The following XKR9 variants were observed in gnomAD, a reference collection of about 807,000 sequenced individuals.
XKR9 encodes the protein XK-related protein 9.
A neutral mutation model predicts 32.0 loss-of-function variants in XKR9; 32 were observed. The observed-to-expected ratio is 1.00, with a 90% CI of 0.76 to 1.34. The LOEUF (loss-of-function observed/expected upper bound fraction) is 1.34, where lower values mean the gene tolerates loss of function less well. XKR9 is among the 40% of genes most tolerant of loss of function. The probability of loss-of-function intolerance (pLI) is 0.00; values close to 1 mark genes in which losing one functional copy is unlikely to be tolerated. For synonymous variants in XKR9, 168 were observed against 143.4 expected (o/e 1.17, Z -1.22); for missense variants, 546 against 429.7 (o/e 1.27, Z -2.39).
In XKR9 at chr8:70,785,735, CTCTCTATA is replaced by C. The variant is rs1289939103; in HGVS notation, n.353-3602_353-3595del. Among the ~76,000 whole-genome samples the C allele has an allele frequency of 4.8e-3, 541 of 113,110 alleles. 2 individuals carry two copies. Among genetic ancestry groups the C allele is most frequent in the African/African-American group, 0.014 (498 of 34,440 alleles). 74.2% of individuals were successfully genotyped at this position (113,110 alleles called of 152,430 possible). A position where few individuals can be genotyped will look rare whatever the true frequency, so the allele number is the denominator to read the frequency against. ...TTTTTTTTGCTCTCTCTCTCTCTCT[CTCTCTATA>C]TATATATATATATGTATATATGTGT... On this transcript the variant is annotated intron_variant and non_coding_transcript_variant, in intron 2 of 3. Transcript: ENST00000520273.
At chr8:70,924,346 A>G in the XKR9 span, among the ~76,000 whole-genome samples, 6 of 152,136 alleles carry the variant, frequency 3.9e-5, no homozygotes, top group Non-Finnish European at 7.4e-5. Context: ...TTTCTAAAAT[A>G]CCACAAGATT....
At chr8:70,675,213 G>C (rs915599191) in intron 2 of XKR9, among the ~76,000 whole-genome samples, 10 of 152,254 alleles carry the variant, frequency 6.6e-5, no homozygotes, top group Admixed American at 6.5e-4. Context: ...GGTCACTTGA[G>C]GTCAGGATTC....
intron 2 of XKR9, among the ~76,000 whole-genome samples, chr8:70,680,012 C>A (rs1044399367): frequency 5.9e-5 from 9 of 151,348 alleles, no homozygotes. Context: ...AAAAAAAAAA[C>A]CTCAAAAAAA....
chr8:70,741,812 A>C (rs1448984132), intron 2 of XKR9, among the ~76,000 whole-genome samples: 1 of 152,152 alleles, frequency 6.6e-6, no homozygotes, highest in Non-Finnish European at 1.5e-5. Context: ...TCTGTTTTAA[A>C]TCCTATTCAG....
intron 2 of XKR9, among the ~76,000 whole-genome samples, chr8:70,741,944 C>T (rs1806991891): frequency 6.7e-6 from 1 of 149,046 alleles, no homozygotes; most frequent in South Asian, 2.1e-4. Flanking sequence ...TCTATATCCT[C>T]ACCAACACGT....
At chr8:70,745,461 T>C (rs1160405420) in intron 2 of XKR9, among the ~76,000 whole-genome samples, 1 of 152,194 alleles carries the variant, frequency 6.6e-6, no homozygotes, top group African/African-American at 2.4e-5. Flanking sequence ...ACTCTCCTCA[T>C]AGACTAGTGG....
chr8:70,962,686 G>A, the XKR9 span, among the ~76,000 whole-genome samples: 2 of 152,236 alleles, frequency 1.3e-5, no homozygotes, highest in East Asian at 3.9e-4. Context: ...CTAGTCTAAG[G>A]AACAAACTTC....
chr8:70,768,486 T>C (rs1259881275), intron 2 of XKR9, among the ~76,000 whole-genome samples: 6 of 152,224 alleles, frequency 3.9e-5, no homozygotes. Context: ...GTTAATTTTC[T>C]GTCTCATTGA....
chr8:71,006,764 C>A, the XKR9 span, among the ~76,000 whole-genome samples: 4 of 152,094 alleles, frequency 2.6e-5, no homozygotes, highest in African/African-American at 9.7e-5. Context: ...ACTGAAGCAG[C>A]CATTGTTGTG....
chr8:71,056,247 AT>A, the XKR9 span, among the ~76,000 whole-genome samples: 11,186 of 144,030 alleles, frequency 0.078, 465 homozygotes, highest in Non-Finnish European at 0.097. Context: ...TGGAGATCTT[AT>A]TTTTTTTTTT....
At chr8:70,954,076 C>G in the XKR9 span, among the ~76,000 whole-genome samples, 1 of 151,964 alleles carries the variant, frequency 6.6e-6, no homozygotes, top group Non-Finnish European at 1.5e-5. Context: ...ATCACTTCCT[C>G]TGTTTCTCCA....
chr8:70,754,905 T>G (rs563509632), intron 2 of XKR9, among the ~76,000 whole-genome samples: 138 of 152,108 alleles, frequency 9.1e-4, no homozygotes, highest in Non-Finnish European at 1.5e-3. Flanking sequence ...AAGCCAAAAT[T>G]GACAATTGGG....
At chr8:71,039,333 T>C in the XKR9 span, among the ~76,000 whole-genome samples, 1 of 152,202 alleles carries the variant, frequency 6.6e-6, no homozygotes, top group East Asian at 1.9e-4. Context: ...ACATCATAGG[T>C]GTTAGCCTAG....
the XKR9 span, among the ~76,000 whole-genome samples, chr8:70,900,788 C>A: frequency 9.9e-5 from 15 of 152,182 alleles, 1 homozygote; most frequent in South Asian, 2.5e-3. Context: ...TTAGGTATAT[C>A]TCCTAATGCT....
chr8:70,785,786 T>C (rs1807680432), intron 2 of XKR9, among the ~76,000 whole-genome samples: 2 of 148,902 alleles, frequency 1.3e-5, no homozygotes, highest in South Asian at 4.2e-4. Context: ...TATATATATA[T>C]GTATGTATAT....
At chr8:70,939,298 C>G in the XKR9 span, among the ~76,000 whole-genome samples, 21 of 152,136 alleles carry the variant, frequency 1.4e-4, no homozygotes, top group African/African-American at 5.1e-4. Context: ...GACTACAAAA[C>G]TTGTTTGGGT....
chr8:70,787,279 G>T (rs986243460), intron 2 of XKR9, among the ~76,000 whole-genome samples: 4 of 152,114 alleles, frequency 2.6e-5, no homozygotes, highest in Non-Finnish European at 5.9e-5. Flanking sequence ...TCACCTGTTT[G>T]AATTTTTAAA....
the XKR9 span, among the ~76,000 whole-genome samples, chr8:70,811,199 A>G: frequency 5.9e-5 from 9 of 152,152 alleles, no homozygotes; most frequent in Non-Finnish European, 1.2e-4. Flanking sequence ...TACTGGGTAC[A>G]TAACGAAATG....
At chr8:71,013,220 G>C in the XKR9 span, among the ~76,000 whole-genome samples, 4 of 152,180 alleles carry the variant, frequency 2.6e-5, no homozygotes, top group Non-Finnish European at 5.9e-5. Flanking sequence ...GAGGAATGGA[G>C]GGGGCGGCCT....
Sources: gnomAD v4.1 joint callset for allele counts (sites outside exome capture counted in the v4.1 genomes callset) on GRCh38, gnomAD v4.1.1 for gene constraint, MANE v1.5 for transcripts, NCBI Gene and HGNC (gene_info 2026-07-23, HGNC 2026-07-21) for gene names.